CTNNA2: variants seen among roughly 807,000 people sequenced by gnomAD.
CTNNA2 encodes the protein catenin alpha 2.
In CTNNA2, 42 loss-of-function variants were observed where a neutral mutation model predicts 101.0. The ratio of observed to expected loss-of-function variants is 0.42; its 90% confidence interval spans 0.32 to 0.54. The LOEUF is 0.54. Among genes scored for constraint, CTNNA2 ranks in the 20% least tolerant of loss-of-function variants. CTNNA2 has a pLI of 0.14. For synonymous variants in CTNNA2, 450 were observed against 456.4 expected (o/e 0.99, Z 0.18); for missense variants, 871 against 1,223.1 (o/e 0.71, Z 4.29).
intron 7 of CTNNA2, among the ~76,000 whole-genome samples, chr2:80,368,835 G>A (rs1273900265): frequency 1.4e-5 from 2 of 138,190 alleles, no homozygotes; most frequent in African/African-American, 3.2e-5. Flanking sequence ...ATATATATGT[G>A]TGTGTGTATA....
chr2:80,596,463 C>T (rs1482851968), intron 15 of CTNNA2, among the ~76,000 whole-genome samples: 1 of 151,174 alleles, frequency 6.6e-6, no homozygotes, highest in East Asian at 2.0e-4. Context: ...GTGCCCGCCA[C>T]CATGCCCGGC....
chr2:79,567,428 G>A (rs1219753977), intron 1 of CTNNA2, among the ~76,000 whole-genome samples: 1 of 151,500 alleles, frequency 6.6e-6, no homozygotes, highest in Non-Finnish European at 1.5e-5. Context: ...TAGTCTCTTT[G>A]ACTTCACCTG....
chr2:79,860,374 A>G (rs1681496657), intron 4 of CTNNA2, among the ~76,000 whole-genome samples: 1 of 152,030 alleles, frequency 6.6e-6, no homozygotes, highest in African/African-American at 2.4e-5. Flanking sequence ...TCCACACTCG[A>G]GAAGTGTGAT....
intron 2 of CTNNA2, among the ~76,000 whole-genome samples, chr2:79,221,434 C>T (rs931024834): frequency 6.6e-6 from 1 of 152,206 alleles, no homozygotes; most frequent in African/African-American, 2.4e-5. Flanking sequence ...CAGGCATGAG[C>T]CACTGCAGCT....
chr2:80,014,087 A>G (rs1217197024), intron 7 of CTNNA2, among the ~76,000 whole-genome samples: 2 of 152,236 alleles, frequency 1.3e-5, no homozygotes, highest in Admixed American at 6.5e-5. Flanking sequence ...TTATCAAGTT[A>G]TATATCTACA....
intron 2 of CTNNA2, among the ~76,000 whole-genome samples, chr2:79,668,246 CAAAAAAAAAAAAAAAA>C (rs34348942): frequency 2.9e-5 from 2 of 69,310 alleles, no homozygotes; most frequent in Admixed American, 4.0e-4. Flanking sequence ...GACTCCGTCT[CAAAAAAAAAAAAAAAA>C]AAAAAAAAAA....
chr2:79,365,665 G>A (rs6753118), intron 3 of CTNNA2, among the ~76,000 whole-genome samples: 1 of 150,736 alleles, frequency 6.6e-6, no homozygotes, highest in South Asian at 2.1e-4. Flanking sequence ...AAAGGGAAGT[G>A]GGGGGGACAT....
Position 79,612,419 on chromosome 2 carries a change from A to G in CTNNA2, c.-5-39133A>G, listed in dbSNP as rs13430497. On this transcript the variant is annotated intron_variant, in intron 1 of 18. Coordinates refer to ENST00000402739, the MANE Select transcript of CTNNA2 (RefSeq NM_001282597.3). ...AGGTTTGAATGTTTCATTGTTAGGT[A>G]GACTGTTTTCATAACAAACCAACAT... Among the ~76,000 whole-genome samples, 1,742 of 152,258 alleles carry G rather than the reference A, an allele frequency of 0.011. 69 individuals are homozygous for G. The East Asian group carries it at 0.12, about 10-fold the overall frequency.
At chr2:80,491,811 C>T (rs1687086014) in intron 9 of CTNNA2, among the ~76,000 whole-genome samples, 1 of 152,188 alleles carries the variant, frequency 6.6e-6, no homozygotes. Flanking sequence ...TCACTTCCGA[C>T]TGTGAGTTGG....
intron 2 of CTNNA2, among the ~76,000 whole-genome samples, chr2:79,216,164 A>G (rs1048173607): frequency 6.6e-6 from 1 of 152,146 alleles, no homozygotes; most frequent in Admixed American, 6.5e-5. Context: ...AACGGCTGTC[A>G]AGTTTGTATT....
intron 7 of CTNNA2, among the ~76,000 whole-genome samples, chr2:79,912,236 C>T (rs771289252): frequency 1.5e-4 from 23 of 152,220 alleles, no homozygotes; most frequent in African/African-American, 2.7e-4. Flanking sequence ...TCCACTTACA[C>T]AATGCTTGCT....
intron 7 of CTNNA2, among the ~76,000 whole-genome samples, chr2:80,237,677 C>A (rs997272640): frequency 6.6e-6 from 1 of 152,122 alleles, no homozygotes; most frequent in Admixed American, 6.5e-5. Flanking sequence ...GGCAACAAGA[C>A]TTTAAATACC....
chr2:79,238,748 T>C (rs1462867684), intron 2 of CTNNA2, among the ~76,000 whole-genome samples: 1 of 152,198 alleles, frequency 6.6e-6, no homozygotes, highest in Non-Finnish European at 1.5e-5. Flanking sequence ...TAAGATTATG[T>C]TGTTCTTTCA....
intron 7 of CTNNA2, among the ~76,000 whole-genome samples, chr2:80,326,210 GCTATTGTTTTACTAC>G (rs1679226472): frequency 6.6e-6 from 1 of 152,144 alleles, no homozygotes; most frequent in Non-Finnish European, 1.5e-5. Flanking sequence ...GAAAGTGGAT[GCTATTGTTTTACTAC>G]CTCTATATAT....
At chr2:80,537,442 TA>T (rs758023536) in intron 9 of CTNNA2, among the ~76,000 whole-genome samples, 84 of 152,326 alleles carry the variant, frequency 5.5e-4, no homozygotes, top group South Asian at 1.2e-3. Flanking sequence ...ATATACCCAG[TA>T]ATGGAATTGC....
intron 9 of CTNNA2, among the ~76,000 whole-genome samples, chr2:80,451,708 A>G (rs1432363182): frequency 6.6e-6 from 1 of 152,176 alleles, no homozygotes; most frequent in Non-Finnish European, 1.5e-5. Flanking sequence ...TGATTTGAGT[A>G]AAATATTTTA....
At chr2:79,988,103 T>G (rs114638603) in intron 7 of CTNNA2, among the ~76,000 whole-genome samples, 2,323 of 152,268 alleles carry the variant, frequency 0.015, 63 homozygotes, top group African/African-American at 0.052. Context: ...CCCCAAGAAT[T>G]GGGTTATGGA....
intron 17 of CTNNA2, among the ~76,000 whole-genome samples, chr2:80,613,154 C>G (rs1479170840): frequency 6.6e-6 from 1 of 151,392 alleles, no homozygotes; most frequent in African/African-American, 2.4e-5. Flanking sequence ...TTGCATGATT[C>G]CATATTTTCC....
intron 15 of CTNNA2, among the ~76,000 whole-genome samples, chr2:80,591,189 T>A (rs2149740619): frequency 6.6e-6 from 1 of 152,278 alleles, no homozygotes; most frequent in South Asian, 2.1e-4. Context: ...GACACATGTC[T>A]GTTAGTCAAA....
Sources: gnomAD v4.1 joint callset for allele counts (sites outside exome capture counted in the v4.1 genomes callset) on GRCh38, gnomAD v4.1.1 for gene constraint, MANE v1.5 for transcripts, NCBI Gene and HGNC (gene_info 2026-07-23, HGNC 2026-07-21) for gene names.